PHKB: variants seen among roughly 807,000 people sequenced by gnomAD.
PHKB encodes the protein phosphorylase kinase regulatory subunit beta, also known as phosphorylase b kinase regulatory subunit beta.
Under a neutral mutation model 152.1 loss-of-function variants are expected in PHKB, and 122 were observed. The observed-to-expected ratio is 0.80, with a 90% confidence interval of 0.69 to 0.93. The LOEUF (loss-of-function observed/expected upper bound fraction) is 0.93. Among genes scored for constraint, PHKB ranks in the 40% least tolerant of loss-of-function variants. The pLI is 0.00. For synonymous variants in PHKB, 436 were observed against 464.9 expected (o/e 0.94, Z 0.80); for missense variants, 1,304 against 1,328.4 (o/e 0.98, Z 0.29).
chr16:47,622,261 T>G (rs17739525), intron 14 of PHKB, among the ~76,000 whole-genome samples: 33,514 of 152,062 alleles, frequency 0.22, 4,675 homozygotes, highest in Non-Finnish European at 0.33. Flanking sequence ...CTACTTCACG[T>G]TTTTTCCTGT....
At chr16:47,689,203 G>A in intron 27 of PHKB, 28 bp downstream of exon 27, 2 of 1,603,400 alleles carry the variant, frequency 1.2e-6, no homozygotes, top group South Asian at 2.2e-5. Context: ...TTACCTACAT[G>A]ATACTCTGGA....
intron 7 of PHKB, chr16:47,565,915 G>A (rs12926621): frequency 1.4e-5 from 15 of 1,082,294 alleles, no homozygotes; most frequent in African/African-American, 1.3e-4. Flanking sequence ...TTCAGTTTGG[G>A]TCTTTGTGGG....
At chr16:47,628,269 A>G in intron 14 of PHKB, among the ~76,000 whole-genome samples, 1 of 152,192 alleles carries the variant, frequency 6.6e-6, no homozygotes, top group Non-Finnish European at 1.5e-5. Flanking sequence ...GCGGTGGCTC[A>G]TGCCTGTAAT....
intron 23 of PHKB, among the ~76,000 whole-genome samples, chr16:47,662,156 A>G (rs1176970812): frequency 6.6e-6 from 1 of 152,190 alleles, no homozygotes; most frequent in African/African-American, 2.4e-5. Flanking sequence ...ATAACATTGA[A>G]TTGTTATGTC....
intron 1 of PHKB, among the ~76,000 whole-genome samples, chr16:47,470,234 A>G (rs1249903241): frequency 2.6e-5 from 4 of 152,248 alleles, no homozygotes; most frequent in Non-Finnish European, 5.9e-5. Context: ...ACAGCAAGCC[A>G]GTCATTAGCA....
intron 1 of PHKB, chr16:47,464,087 A>G (rs1449302144): frequency 1.1e-6 from 1 of 885,382 alleles, no homozygotes; most frequent in Non-Finnish European, 1.9e-6. Context: ...TTATGTCTTT[A>G]TTTCTTCTTT....
At chr16:47,551,142 G>A (rs763545993) in intron 7 of PHKB, among the ~76,000 whole-genome samples, 44 of 151,814 alleles carry the variant, frequency 2.9e-4, no homozygotes, top group Non-Finnish European at 5.0e-4. Flanking sequence ...GGTCTATTTC[G>A]TTAATCTTTT....
At chr16:47,485,396 T>C (rs569758043) in intron 1 of PHKB, among the ~76,000 whole-genome samples, 1 of 152,312 alleles carries the variant, frequency 6.6e-6, no homozygotes, top group South Asian at 2.1e-4. Context: ...GATGCATCCA[T>C]TCTAAAGTGA....
chr16:47,551,113 C>T (rs1971262902), intron 7 of PHKB, among the ~76,000 whole-genome samples: 1 of 152,024 alleles, frequency 6.6e-6, no homozygotes. Context: ...CTCTTTTCTT[C>T]TTTATTAGTC....
At chr16:47,667,185 C>T (rs185325562) in intron 25 of PHKB, among the ~76,000 whole-genome samples, 1 of 152,012 alleles carries the variant, frequency 6.6e-6, no homozygotes, top group Admixed American at 6.5e-5. Context: ...GTAATCCAAA[C>T]ACTTTGGGGG....
intron 1 of PHKB, 23 bp downstream of exon 1, chr16:47,461,449 C>A: frequency 1.2e-6 from 2 of 1,611,622 alleles, no homozygotes; most frequent in East Asian, 4.5e-5. Context: ...GGGGCGCCGC[C>A]CCCCACCCGA....
intron 13 of PHKB, among the ~76,000 whole-genome samples, chr16:47,600,897 A>T (rs1308438540): frequency 2.0e-5 from 3 of 152,218 alleles, no homozygotes; most frequent in African/African-American, 7.2e-5. Flanking sequence ...GTGTCCCAGC[A>T]TTTGGGGAGG....
At chr16:47,516,741 C>A (rs572391464) in intron 6 of PHKB, among the ~76,000 whole-genome samples, 1 of 151,938 alleles carries the variant, frequency 6.6e-6, no homozygotes, top group East Asian at 1.9e-4. Context: ...TAGTCTCATA[C>A]AATAAATAAA....
intron 6 of PHKB, among the ~76,000 whole-genome samples, chr16:47,527,244 T>C (rs1486929388): frequency 1.3e-5 from 2 of 152,118 alleles, no homozygotes; most frequent in Non-Finnish European, 2.9e-5. Flanking sequence ...GGAAAATTGA[T>C]AAGTTAAATA....
intron 25 of PHKB, 35 bp from the exon 26 acceptor site, chr16:47,669,180 A>G (rs1973591614): frequency 6.6e-7 from 1 of 1,519,560 alleles, no homozygotes; most frequent in Non-Finnish European, 9.1e-7. Context: ...TTTAGTAGCT[A>G]GGAGAATTTT....
intron 26 of PHKB, among the ~76,000 whole-genome samples, chr16:47,674,761 A>G (rs1475948216): frequency 2.0e-5 from 3 of 152,208 alleles, no homozygotes; most frequent in African/African-American, 7.2e-5. Flanking sequence ...GAGCCAGTGA[A>G]TATGCACTGA....
chr16:47,690,720 C>A (rs1974044758), intron 27 of PHKB, among the ~76,000 whole-genome samples: 1 of 152,060 alleles, frequency 6.6e-6, no homozygotes, highest in Non-Finnish European at 1.5e-5. Context: ...CCGGCAAAAA[C>A]CATCATTGCA....
At chr16:47,665,331 T>C (rs1409012352) in intron 25 of PHKB, 1 of 203,294 alleles carries the variant, frequency 4.9e-6, no homozygotes, top group Non-Finnish European at 9.9e-6. Context: ...TGCTGTACTT[T>C]AAAAAAAAAA....
intron 1 of PHKB, among the ~76,000 whole-genome samples, chr16:47,491,599 C>T (rs1970151553): frequency 6.6e-6 from 1 of 152,120 alleles, no homozygotes; most frequent in African/African-American, 2.4e-5. Flanking sequence ...ACATCACACT[C>T]AACACATATA....
Sources: allele counts gnomAD v4.1 joint callset (sites outside exome capture counted in the v4.1 genomes callset), GRCh38; gene constraint gnomAD v4.1.1; transcripts MANE v1.5; gene names NCBI Gene and HGNC (gene_info 2026-07-23, HGNC 2026-07-21).